The following ZFYVE27 variants were observed in gnomAD, a reference collection of about 807,000 sequenced individuals.
The protein encoded by ZFYVE27 is zinc finger FYVE-type containing 27.
ZFYVE27 carries 36 observed loss-of-function variants against 52.8 expected under a neutral mutation model. The ratio of observed to expected loss-of-function variants is 0.68; its 90% CI spans 0.52 to 0.90. The LOEUF (loss-of-function observed/expected upper bound fraction) is 0.90. ZFYVE27 is among the 40% of genes least tolerant of loss of function. The pLI, the probability that ZFYVE27 is intolerant of heterozygous loss-of-function variation, is 0.00. For synonymous variants in ZFYVE27, 223 were observed against 215.6 expected, an observed-to-expected ratio of 1.03 and a Z score of -0.30; for missense variants, 450 against 527.2, an observed-to-expected ratio of 0.85 and a Z score of 1.43.
intron 1 of ZFYVE27, 23 bp from the exon 2 acceptor site, chr10:97,738,454 G>A (rs191218175): frequency 6.2e-6 from 10 of 1,612,958 alleles, no homozygotes; most frequent in African/African-American, 2.7e-5. Flanking sequence ...CAATGCAAAT[G>A]TTGGGAATTA....
At chr10:97,740,367 G>A (rs2043286804) in intron 2 of ZFYVE27, among the ~76,000 whole-genome samples, 1 of 152,220 alleles carries the variant, frequency 6.6e-6, no homozygotes, top group Non-Finnish European at 1.5e-5. Context: ...TTCCCACAAG[G>A]GGTAGGGAGA....
chr10:97,739,605 TATC>T (rs544401600), intron 2 of ZFYVE27, among the ~76,000 whole-genome samples: 1 of 152,222 alleles, frequency 6.6e-6, no homozygotes, highest in Non-Finnish European at 1.5e-5. Flanking sequence ...AACTCCTTGA[TATC>T]ATCCTATACT....
chr10:97,752,957 G>A (rs1209575738), intron 9 of ZFYVE27, 80 bp downstream of exon 9: 1 of 1,612,954 alleles, frequency 6.2e-7, no homozygotes, highest in Non-Finnish European at 8.5e-7. Context: ...CCTCGTGGGG[G>A]CTGCCGCGCA....
chr10:97,739,770 T>G (rs2043102624), intron 2 of ZFYVE27, among the ~76,000 whole-genome samples: 1 of 152,220 alleles, frequency 6.6e-6, no homozygotes, highest in African/African-American at 2.4e-5. Flanking sequence ...CTGAAGAGAC[T>G]GAGCCTGAAC....
chr10:97,757,269 C>T lies in ZFYVE27; in HGVS notation c.1047C>T (p.Asn349=). Residue 349 remains asparagine (N), a synonymous_variant, in exon 11 of 13, where the codon AAC becomes AAT. Coordinates refer to ENST00000684270, the MANE Select transcript of ZFYVE27 (RefSeq NM_001385875.1). ...RKRYPTNNFG[N]CTGCSATFSV... is the part of the protein sequence containing the mutation. ...GCTGCTGCCTCTGTTTCTCAGGGAA[C>T]TGCACGGGCTGCTCGGCCACCTTCT... 1 of 1,614,162 alleles carries T rather than the reference C, an allele frequency of 6.2e-7. No individual in the cohort carries two copies. The highest frequency in any genetic ancestry group is 8.5e-7 in the Non-Finnish European group (1 of 1,180,022).
chr10:97,737,898 A>G (rs2042539499), intron 1 of ZFYVE27, among the ~76,000 whole-genome samples: 1 of 152,212 alleles, frequency 6.6e-6, no homozygotes, highest in Non-Finnish European at 1.5e-5. Context: ...ACGGTATTTC[A>G]TTCACTCATT....
intron 5 of ZFYVE27, among the ~76,000 whole-genome samples, chr10:97,748,595 A>G (rs990076556): frequency 6.6e-6 from 1 of 152,208 alleles, no homozygotes; most frequent in Non-Finnish European, 1.5e-5. Flanking sequence ...ATAACTCACC[A>G]TATAATCCAC....
chr10:97,745,892 C>T (rs1342910351), intron 4 of ZFYVE27, among the ~76,000 whole-genome samples: 1 of 151,886 alleles, frequency 6.6e-6, no homozygotes, highest in Admixed American at 6.6e-5. Flanking sequence ...AGAATAGGGG[C>T]AAGAAAAGTT....
chr10:97,740,883 C>G (rs574274100), intron 2 of ZFYVE27, among the ~76,000 whole-genome samples: 1 of 152,308 alleles, frequency 6.6e-6, no homozygotes, highest in East Asian at 1.9e-4. Context: ...ATCAGCTACT[C>G]TACTGCTTGG....
rs953293763 is a variant in ZFYVE27 at position 97,760,721 on chromosome 10, C to G, written c.*1421C>G. The G allele has an allele frequency of 6.6e-6, 1 of 152,288 alleles. No individual in the cohort carries two copies. Among genetic ancestry groups the G allele is most frequent in the African/African-American group, 2.4e-5 (1 of 41,466 alleles). 9.4% of individuals were successfully genotyped at this position (152,288 alleles called of 1,614,324 possible). A position where few individuals can be genotyped will look rare whatever the true frequency, so the allele number is the denominator to read the frequency against. On this transcript the variant is annotated 3_prime_UTR_variant, in exon 13 of 13. Transcript: ENST00000684270. ...TGGGGCTGTGCAGCCAGGGGCTTAC[C>G]CAGGCCAGTGGAGGTGCCACAGCCC...
chr10:97,752,820 C>G (rs745518448), intron 8 of ZFYVE27, 37 bp from the exon 9 acceptor site: 3 of 1,610,166 alleles, frequency 1.9e-6, no homozygotes, highest in Non-Finnish European at 1.7e-6. Flanking sequence ...CTTTTTCTTT[C>G]TGTTTTCTCT....
chr10:97,746,051 ATTTT>A (rs71488840), intron 4 of ZFYVE27, among the ~76,000 whole-genome samples: 5 of 64,170 alleles, frequency 7.8e-5, no homozygotes, highest in African/African-American at 2.2e-4. Flanking sequence ...ATATATATAT[ATTTT>A]TTTTTTTTTT....
At chr10:97,743,846 C>G (rs1039035957) in intron 3 of ZFYVE27, among the ~76,000 whole-genome samples, 23 of 152,200 alleles carry the variant, frequency 1.5e-4, no homozygotes, top group African/African-American at 5.5e-4. Context: ...TGACCCTACC[C>G]TATCCGTGGT....
intron 4 of ZFYVE27, among the ~76,000 whole-genome samples, 167 bp from the exon 5 acceptor site, chr10:97,748,102 T>C (rs1044620846): frequency 2.6e-5 from 4 of 152,288 alleles, no homozygotes; most frequent in African/African-American, 4.8e-5. Context: ...TGGGGTGGCT[T>C]AGCCAGGCCT....
At chr10:97,746,453 C>G (rs1197389792) in intron 4 of ZFYVE27, among the ~76,000 whole-genome samples, 1 of 152,202 alleles carries the variant, frequency 6.6e-6, no homozygotes, top group Non-Finnish European at 1.5e-5. Flanking sequence ...GTCTATCTCT[C>G]TACATATACA....
chr10:97,739,885 G>GTT lies in ZFYVE27; in HGVS notation c.197+1225_197+1226dup, dbSNP rs34955180. On this transcript the variant is annotated intron_variant, in intron 2 of 12. Transcript: ENST00000684270. ...TGGATTTGATTGAAGTTAGAAAAGT[G>GTT]TTTTTTTTTTTTTTTGCAAAGGTAA... 9.2e-3 allele frequency among the ~76,000 whole-genome samples: 1,256 copies of GTT among 137,118 alleles called. 15 individuals carry two copies. Among genetic ancestry groups the GTT allele is most frequent in the African/African-American group, 0.018 (675 of 36,704 alleles). The allele number at this position is 137,118 out of a possible 152,430, so 90.0% of individuals were successfully genotyped here.
chr10:97,752,172 G>A (rs1458620355), intron 8 of ZFYVE27, among the ~76,000 whole-genome samples: 2 of 152,196 alleles, frequency 1.3e-5, no homozygotes, highest in Non-Finnish European at 2.9e-5. Flanking sequence ...CTGAGGTCAA[G>A]TGGGAGTTGC....
intron 3 of ZFYVE27, among the ~76,000 whole-genome samples, chr10:97,743,848 A>G (rs2044428603): frequency 6.6e-6 from 1 of 152,162 alleles, no homozygotes. Flanking sequence ...ACCCTACCCT[A>G]TCCGTGGTTG....
At chr10:97,757,336 G>T (rs749434025) in intron 11 of ZFYVE27, 25 bp downstream of exon 11, 2 of 1,614,142 alleles carry the variant, frequency 1.2e-6, no homozygotes, top group Admixed American at 1.7e-5. Flanking sequence ...GGGTGCATTT[G>T]TTGGGGACAG....
Sources: gnomAD v4.1 joint callset for allele counts (sites outside exome capture counted in the v4.1 genomes callset) on GRCh38, gnomAD v4.1.1 for gene constraint, MANE v1.5 for transcripts, NCBI Gene and HGNC (gene_info 2026-07-23, HGNC 2026-07-21) for gene names.